TNKS: variants seen among roughly 807,000 people sequenced by gnomAD.
TNKS encodes tankyrase.
A neutral mutation model predicts 135.8 loss-of-function variants in TNKS; 72 were observed. That is an observed-to-expected ratio of 0.53 (90% CI 0.44 to 0.64). The LOEUF is 0.64. Among genes scored for constraint, TNKS ranks in the 30% least tolerant of loss-of-function variants. The probability of loss-of-function intolerance (pLI) is 0.00; values close to 1 mark genes in which losing one functional copy is unlikely to be tolerated. For synonymous variants in TNKS, 849 were observed against 649.3 expected, an observed-to-expected ratio of 1.31 and a Z score of -4.68; for missense variants, 1,769 against 1,674.0, an observed-to-expected ratio of 1.06 and a Z score of -0.99.
chr8:9,586,250 T>A (rs1226832117), intron 2 of TNKS, among the ~76,000 whole-genome samples: 1 of 152,190 alleles, frequency 6.6e-6, no homozygotes. Context: ...CTAAGCAAAT[T>A]GGCTTCTTAG....
At chr8:9,668,376 T>C (rs1405618232) in intron 3 of TNKS, among the ~76,000 whole-genome samples, 7 of 152,216 alleles carry the variant, frequency 4.6e-5, no homozygotes, top group Non-Finnish European at 7.3e-5. Flanking sequence ...CATTTGAACA[T>C]ACACTCAAAT....
chr8:9,575,404 G>T (rs1314940313), intron 1 of TNKS: 3 of 985,156 alleles, frequency 3.0e-6, no homozygotes, highest in Non-Finnish European at 2.4e-6. Flanking sequence ...AACAAGGTGG[G>T]TCAACTCTAC....
intron 5 of TNKS, among the ~76,000 whole-genome samples, chr8:9,685,895 G>A (rs1802976174): frequency 6.6e-6 from 1 of 152,148 alleles, no homozygotes; most frequent in African/African-American, 2.4e-5. Context: ...CTACATTTAA[G>A]TTTTAGGGTT....
rs768994333 is a variant in TNKS, at chr8:9,780,699, T to C, written c.*3963T>C. 1 of 152,312 alleles carries C rather than the reference T, an allele frequency of 6.6e-6. No individual in the cohort carries two copies. Among genetic ancestry groups the C allele is most frequent in the Middle Eastern group, 3.4e-3 (1 of 294 alleles). The allele number at this position is 152,312 out of a possible 1,614,324, so 9.4% of individuals were successfully genotyped here. A position where few individuals can be genotyped will look rare whatever the true frequency, so the allele number is the denominator to read the frequency against. On this transcript the variant is annotated 3_prime_UTR_variant, in exon 27 of 27. Transcript: ENST00000310430. Reference sequence around the variant, plus strand: ...CTTTTATATTTTAATAAATAAAACATTGTAGTCCCATTTCTTAGTGTTTGA... The same window carrying C: ...CTTTTATATTTTAATAAATAAAACACTGTAGTCCCATTTCTTAGTGTTTGA...
intron 5 of TNKS, among the ~76,000 whole-genome samples, chr8:9,699,669 C>G (rs1803702662): frequency 1.3e-5 from 2 of 152,192 alleles, no homozygotes; most frequent in African/African-American, 4.8e-5. Flanking sequence ...CATAGCTCAG[C>G]TACTCCTACT....
In TNKS at chr8:9,777,241, T is replaced by C. The variant is rs1412432253; in HGVS notation, c.*505T>C. On this transcript the variant is annotated 3_prime_UTR_variant, in exon 27 of 27. Coordinates refer to ENST00000310430, the MANE Select transcript of TNKS (RefSeq NM_003747.3). ...TTACTTTGAAAATGAGCCAGAGCCTTCTTGAGGATATTTTGCACAAAGTCA... is the reference window on the plus strand; with the variant it reads ...TTACTTTGAAAATGAGCCAGAGCCTCCTTGAGGATATTTTGCACAAAGTCA... 1.9e-5 allele frequency: 3 copies of C among 155,680 alleles called. No homozygotes were observed. Among genetic ancestry groups the C allele is most frequent in the Non-Finnish European group, 4.3e-5 (3 of 69,750 alleles). The allele number at this position is 155,680 out of a possible 1,614,324, so 9.6% of individuals were successfully genotyped here. A position where few individuals can be genotyped will look rare whatever the true frequency, so the allele number is the denominator to read the frequency against.
Position 9,639,423 on chromosome 8 carries a change from A to G in TNKS, c.994+23746A>G, listed in dbSNP as rs1183316295. ...TTCTCTGTGGGCTAAAAAATGAAAC[A>G]TTTATTTTTTATTGAAATGAAAAAA... On this transcript the variant is annotated intron_variant, in intron 3 of 26. Coordinates refer to ENST00000310430, the MANE Select transcript of TNKS (RefSeq NM_003747.3). Among the ~76,000 whole-genome samples, 4 of 152,014 alleles carry G rather than the reference A, an allele frequency of 2.6e-5. No homozygotes were observed. In the South Asian group the frequency reaches 8.3e-4, roughly 32 times the overall value.
rs35110014 is a variant in TNKS at position 9,637,314 on chromosome 8, C to T, written c.994+21637C>T. On this transcript the variant is annotated intron_variant, in intron 3 of 26. Coordinates refer to ENST00000310430, the MANE Select transcript of TNKS (RefSeq NM_003747.3). ...TTCTTTCTGACGATACAGACTGGTT[C>T]TGTGTACCAGTTTTGGTTTCCGTTC... 5.1e-3 allele frequency among the ~76,000 whole-genome samples: 778 copies of T among 152,226 alleles called. 4 individuals carry two copies. The highest frequency in any genetic ancestry group is 0.017 in the Middle Eastern group (5 of 294).
At chr8:9,705,969 A>AT (rs1039523657) in intron 6 of TNKS, among the ~76,000 whole-genome samples, 1 of 152,098 alleles carries the variant, frequency 6.6e-6, no homozygotes, top group African/African-American at 2.4e-5. Context: ...TCTATTTGGT[A>AT]TTTTTTTCAT....
intron 5 of TNKS, among the ~76,000 whole-genome samples, chr8:9,693,965 C>G (rs933162812): frequency 5.9e-5 from 9 of 152,150 alleles, no homozygotes; most frequent in African/African-American, 1.7e-4. Context: ...CAAATCAGGA[C>G]AAGTCAGTCA....
chr8:9,655,640 A>C (rs1037850661), intron 3 of TNKS, among the ~76,000 whole-genome samples: 2 of 152,210 alleles, frequency 1.3e-5, no homozygotes, highest in Non-Finnish European at 2.9e-5. Context: ...CAGGGTCTGG[A>C]GTGGACCTCC....
At chr8:9,695,855 C>T (rs1407190010) in intron 5 of TNKS, among the ~76,000 whole-genome samples, 1 of 152,100 alleles carries the variant, frequency 6.6e-6, no homozygotes, top group Non-Finnish European at 1.5e-5. Flanking sequence ...GAAAGACTCC[C>T]AAAGTTTTTG....
intron 1 of TNKS, among the ~76,000 whole-genome samples, chr8:9,571,393 G>T (rs1362973479): frequency 6.6e-6 from 1 of 152,160 alleles, no homozygotes; most frequent in Non-Finnish European, 1.5e-5. Flanking sequence ...TGGATATACT[G>T]TGTTTGTTTT....
chr8:9,776,950 C>T lies in TNKS; in HGVS notation c.*214C>T, dbSNP rs140211601. ...CCCTTTGAGGAAATGTTTACAGGGG[C>T]GGCCTTTTAACATATCTCAGGCTCA... On this transcript the variant is annotated 3_prime_UTR_variant, in exon 27 of 27. Transcript: ENST00000310430. 27 of 492,106 alleles carry T rather than the reference C, an allele frequency of 5.5e-5. No individual in the cohort carries two copies. In the East Asian group the frequency reaches 6.5e-4, roughly 12 times the overall value. 30.5% of individuals were successfully genotyped at this position (492,106 alleles called of 1,614,324 possible).
chr8:9,766,227 T>G lies in TNKS; in HGVS notation c.3554-12T>G. The G allele has an allele frequency of 6.3e-7, 1 of 1,593,266 alleles. No individual in the cohort carries two copies. The highest frequency in any genetic ancestry group is 8.6e-7 in the Non-Finnish European group (1 of 1,166,910). Reference sequence around the variant, plus strand: ...TGTTCAAAAACGAATCTTTCTGTCTTCGTATTTCTAGGTTCTCCTTTCATT... The same window carrying G: ...TGTTCAAAAACGAATCTTTCTGTCTGCGTATTTCTAGGTTCTCCTTTCATT... On this transcript the variant is annotated splice_polypyrimidine_tract_variant and intron_variant, in intron 24 of 26. Coordinates refer to ENST00000310430, the MANE Select transcript of TNKS (RefSeq NM_003747.3).
In TNKS at chr8:9,708,782, T is replaced by A. The variant is rs908830665; in HGVS notation, c.1578+290T>A. Among the ~76,000 whole-genome samples, 3 of 152,132 alleles carry A rather than the reference T, an allele frequency of 2.0e-5. No individual in the cohort carries two copies. The East Asian group carries it at 5.8e-4, about 29-fold the overall frequency. On this transcript the variant is annotated intron_variant, in intron 9 of 26. Transcript: ENST00000310430. The stretch of plus-strand genomic sequence containing the variant: ...GCCAGTGCTTTCATAAACTACAAGA[T>A]ATGATTTTTCAATAGAATTTTTTTT...
chr8:9,643,717 C>T (rs879024868), intron 3 of TNKS, among the ~76,000 whole-genome samples: 1 of 152,030 alleles, frequency 6.6e-6, no homozygotes, highest in South Asian at 2.1e-4. Context: ...TATGGAGACT[C>T]CTCAAAAAAT....
chr8:9,578,751 TG>T (rs1391378843), intron 1 of TNKS, among the ~76,000 whole-genome samples: 5 of 152,222 alleles, frequency 3.3e-5, no homozygotes, highest in Admixed American at 2.6e-4. Context: ...GATGCCATTT[TG>T]TAACAGTATT....
chr8:9,704,619 G>C lies in TNKS; in HGVS notation c.1108-44G>C, dbSNP rs777085338. ...AAATGGCAAAGCAAGGATTTTCTTT[G>C]TTTGTTTGTTTTTACCTGAAAAGGG... On this transcript the variant is annotated intron_variant, in intron 5 of 26. Transcript: ENST00000310430. 8.7e-6 allele frequency: 13 copies of C among 1,487,294 alleles called. No individual in the cohort carries two copies. In the Admixed American group the frequency reaches 1.6e-4, roughly 18 times the overall value. 92.1% of individuals were successfully genotyped at this position (1,487,294 alleles called of 1,614,324 possible).
Sources: gnomAD v4.1 joint callset for allele counts (sites outside exome capture counted in the v4.1 genomes callset) on GRCh38, gnomAD v4.1.1 for gene constraint, MANE v1.5 for transcripts, NCBI Gene and HGNC (gene_info 2026-07-23, HGNC 2026-07-21) for gene names.